CXCL13: variants seen among roughly 807,000 people sequenced by gnomAD.
The protein encoded by CXCL13 is C-X-C motif chemokine 13.
CXCL13 carries 7 observed loss-of-function variants against 12.2 expected under a neutral mutation model. The observed-to-expected ratio is 0.57, with a 90% CI of 0.33 to 1.07. CXCL13 has a LOEUF of 1.07. CXCL13 is among the 50% of genes least tolerant of loss of function. The probability of loss-of-function intolerance (pLI) is 0.04; values close to 1 mark genes in which losing one functional copy is unlikely to be tolerated. For synonymous variants in CXCL13, 47 were observed against 42.4 expected (o/e 1.11, Z -0.42); for missense variants, 113 against 127.4 (o/e 0.89, Z 0.55).
chr4:77,570,708 G>A (rs1186128140), intron 1 of CXCL13, among the ~76,000 whole-genome samples: 2 of 152,322 alleles, frequency 1.3e-5, no homozygotes, highest in East Asian at 3.9e-4. Context: ...AGCGCTTGTG[G>A]GCCAGCTGGA....
intron 1 of CXCL13, among the ~76,000 whole-genome samples, chr4:77,537,421 A>G (rs1042584321): frequency 1.3e-5 from 2 of 152,168 alleles, no homozygotes; most frequent in African/African-American, 2.4e-5. Context: ...AGAGCTCCCT[A>G]TTGGGGAAAC....
chr4:77,570,510 T>G (rs536944943), intron 1 of CXCL13, among the ~76,000 whole-genome samples: 1 of 152,292 alleles, frequency 6.6e-6, no homozygotes, highest in East Asian at 1.9e-4. Context: ...CTGGCAGTCC[T>G]CAGAGCCCTC....
intron 1 of CXCL13, among the ~76,000 whole-genome samples, chr4:77,592,476 CAGG>C (rs2109831588): frequency 6.6e-6 from 1 of 152,216 alleles, no homozygotes; most frequent in Non-Finnish European, 1.5e-5. Flanking sequence ...TTCAGTTTAA[CAGG>C]AGGACTAAAT....
At chr4:77,539,294 T>C (rs956979856) in intron 1 of CXCL13, among the ~76,000 whole-genome samples, 1 of 151,980 alleles carries the variant, frequency 6.6e-6, no homozygotes, top group Non-Finnish European at 1.5e-5. Context: ...CCCAGCTAAT[T>C]TTTTGTATTT....
intron 1 of CXCL13, among the ~76,000 whole-genome samples, chr4:77,582,543 A>C (rs1349892731): frequency 6.6e-6 from 1 of 152,200 alleles, no homozygotes; most frequent in Non-Finnish European, 1.5e-5. Flanking sequence ...CAGAAAAATA[A>C]AACCAGCGTG....
chr4:77,581,497 A>G (rs1269941328), intron 1 of CXCL13, among the ~76,000 whole-genome samples: 2 of 152,188 alleles, frequency 1.3e-5, no homozygotes, highest in East Asian at 3.8e-4. Context: ...TGCCTGGCTC[A>G]AGGGATCTTG....
rs148427422 is a variant in CXCL13, at chr4:77,550,049, C to T, written c.-43+38261C>T. Among the ~76,000 whole-genome samples the T allele has an allele frequency of 4.4e-3, 677 of 152,342 alleles. 18 individuals carry two copies. Among genetic ancestry groups the T allele is most frequent in the East Asian group, 0.027 (141 of 5,184 alleles). ...TTACTTAGTCAAGCCTCAGCAATGG[C>T]GGACACCCCTCTCCCAGCCTTGCTG... On this transcript the variant is annotated intron_variant, in intron 1 of 4. Coordinates refer to the CXCL13 transcript ENST00000286758.
chr4:77,598,231 GC>G (rs2109834237), intron 1 of CXCL13, among the ~76,000 whole-genome samples: 1 of 152,346 alleles, frequency 6.6e-6, no homozygotes, highest in South Asian at 2.1e-4. Context: ...ATTTGCGGAA[GC>G]CGTTGGTTCA....
At chr4:77,517,447 T>C (rs1237189797) in intron 1 of CXCL13, among the ~76,000 whole-genome samples, 1 of 152,162 alleles carries the variant, frequency 6.6e-6, no homozygotes, top group Non-Finnish European at 1.5e-5. Context: ...AGTCTAAGTC[T>C]CTTTGTAGGT....
At chr4:77,536,223 C>A (rs925691376) in intron 1 of CXCL13, among the ~76,000 whole-genome samples, 2 of 152,146 alleles carry the variant, frequency 1.3e-5, no homozygotes, top group Non-Finnish European at 2.9e-5. Flanking sequence ...TGCCTTATTT[C>A]ATTGACGATG....
At chr4:77,572,141 C>T (rs192520736) in intron 1 of CXCL13, among the ~76,000 whole-genome samples, 11 of 152,052 alleles carry the variant, frequency 7.2e-5, no homozygotes, top group Admixed American at 3.3e-4. Flanking sequence ...CCACCAATTC[C>T]GGACACACCA....
At chr4:77,533,589 A>G (rs1354654249) in intron 1 of CXCL13, among the ~76,000 whole-genome samples, 1 of 152,178 alleles carries the variant, frequency 6.6e-6, no homozygotes, top group Non-Finnish European at 1.5e-5. Flanking sequence ...AAGTCTGTAG[A>G]GGATTCTGCT....
intron 1 of CXCL13, among the ~76,000 whole-genome samples, chr4:77,584,393 G>A (rs1226378215): frequency 2.0e-5 from 3 of 152,162 alleles, no homozygotes; most frequent in Non-Finnish European, 4.4e-5. Context: ...GTTGAGAACA[G>A]GGAAGAAGAT....
At chr4:77,565,735 G>A (rs1725912168) in intron 1 of CXCL13, among the ~76,000 whole-genome samples, 1 of 152,138 alleles carries the variant, frequency 6.6e-6, no homozygotes, top group Non-Finnish European at 1.5e-5. Flanking sequence ...TAATTCCTGT[G>A]CCTGTCATGA....
At chr4:77,543,599 CT>C (rs1480113892) in intron 1 of CXCL13, among the ~76,000 whole-genome samples, 4 of 152,016 alleles carry the variant, frequency 2.6e-5, no homozygotes, top group African/African-American at 9.7e-5. Flanking sequence ...TTCTGTCTTA[CT>C]TTTGTTGTTT....
Position 77,611,160 on chromosome 4 carries a change from CT to C in CXCL13, c.*122del. On this transcript the variant is annotated 3_prime_UTR_variant, in exon 4 of 4. Coordinates refer to ENST00000682537, the MANE Select transcript of CXCL13 (RefSeq NM_001371558.1). ...CTTCCCCATACAAATAAGCATGAGA[CT>C]ATGTAAAAATAACCTTGCAGAAGCT... 1.2e-6 allele frequency: 1 copy of C among 840,808 alleles called. No individual in the cohort carries two copies. The highest frequency in any genetic ancestry group is 1.9e-6 in the Non-Finnish European group (1 of 533,208). 52.1% of individuals were successfully genotyped at this position (840,808 alleles called of 1,614,324 possible). A position where few individuals can be genotyped will look rare whatever the true frequency, so the allele number is the denominator to read the frequency against.
At chr4:77,582,580 G>A (rs967460256) in intron 1 of CXCL13, among the ~76,000 whole-genome samples, 3 of 152,180 alleles carry the variant, frequency 2.0e-5, no homozygotes, top group Admixed American at 2.0e-4. Flanking sequence ...GGAACTAAGA[G>A]AATACAGAAG....
Position 77,542,427 on chromosome 4 carries a change from T to G in CXCL13, c.-43+30639T>G, listed in dbSNP as rs150837668. On this transcript the variant is annotated intron_variant, in intron 1 of 4. Transcript: ENST00000286758. ...AAGGTTTCTACTCTGAAGGGATTTT[T>G]GGTCTAATTGAGAGTTTTTTCTGTG... 2.1e-3 allele frequency among the ~76,000 whole-genome samples: 324 copies of G among 152,218 alleles called. 2 individuals are homozygous for G. Among genetic ancestry groups the G allele is most frequent in the African/African-American group, 7.5e-3 (312 of 41,558 alleles).
At chr4:77,519,301 G>T (rs1326070364) in intron 1 of CXCL13, among the ~76,000 whole-genome samples, 1 of 152,150 alleles carries the variant, frequency 6.6e-6, no homozygotes, top group African/African-American at 2.4e-5. Flanking sequence ...CGTGCTGGGA[G>T]AACCACTGTT....
Sources: allele counts gnomAD v4.1 joint callset (sites outside exome capture counted in the v4.1 genomes callset), GRCh38; gene constraint gnomAD v4.1.1; transcripts MANE v1.5; gene names NCBI Gene and HGNC (gene_info 2026-07-23, HGNC 2026-07-21).